Variants in ADIPOR2 observed in about 807,000 individuals in gnomAD.
ADIPOR2 encodes the protein adiponectin receptor 2.
ADIPOR2 carries 18 observed loss-of-function variants against 40.9 expected under a neutral mutation model. The observed-to-expected ratio is 0.44, with a 90% CI of 0.30 to 0.65. ADIPOR2 has a LOEUF of 0.65. Among genes scored for constraint, ADIPOR2 ranks in the 30% least tolerant of loss-of-function variants. ADIPOR2 has a pLI of 0.09. For synonymous variants in ADIPOR2, 165 were observed against 166.4 expected (o/e 0.99, Z 0.06); for missense variants, 283 against 479.2 (o/e 0.59, Z 3.82).
intron 1 of ADIPOR2, among the ~76,000 whole-genome samples, chr12:1,707,304 G>T (rs2094665493): frequency 6.6e-6 from 1 of 152,048 alleles, no homozygotes; most frequent in Non-Finnish European, 1.5e-5. Flanking sequence ...GAGTCATATG[G>T]TGTATATTTT....
At chr12:1,760,044 A>C (rs1230654782) in intron 2 of ADIPOR2, among the ~76,000 whole-genome samples, 1 of 151,696 alleles carries the variant, frequency 6.6e-6, no homozygotes, top group Non-Finnish European at 1.5e-5. Flanking sequence ...CAAAACAAAC[A>C]AAACAAAACA....
At chr12:1,710,535 A>G (rs1432165071) in intron 1 of ADIPOR2, among the ~76,000 whole-genome samples, 1 of 151,980 alleles carries the variant, frequency 6.6e-6, no homozygotes. Context: ...CGGCCAGTTA[A>G]AAGCAACTAG....
At position 1,743,890 on chromosome 12, in the gene ADIPOR2, C is replaced by T. The variant is rs558975957; in HGVS notation, c.-86-10368C>T. Among the ~76,000 whole-genome samples the T allele has an allele frequency of 8.5e-5, 13 of 152,120 alleles. 1 individual carries two copies. Among genetic ancestry groups the T allele is most frequent in the Admixed American group, 2.0e-4 (3 of 15,296 alleles). On this transcript the variant is annotated intron_variant, in intron 1 of 7. Coordinates refer to ENST00000357103, the MANE Select transcript of ADIPOR2 (RefSeq NM_024551.3). The stretch of plus-strand genomic sequence containing the variant: ...TTTTTTATTACATTAAAAAACAGGA[C>T]TCTGGGAATTGTCACTTTATGATCA...
intron 3 of ADIPOR2, among the ~76,000 whole-genome samples, chr12:1,775,096 A>G (rs1332341231): frequency 1.3e-5 from 2 of 150,482 alleles, no homozygotes; most frequent in African/African-American, 2.4e-5. Context: ...TCGGCCTCCC[A>G]TAGTGCTGGG....
chr12:1,780,331 C>T, intron 4 of ADIPOR2, 120 bp from the exon 5 acceptor site: 3 of 1,092,536 alleles, frequency 2.7e-6, no homozygotes, highest in Non-Finnish European at 3.7e-6. Flanking sequence ...GAAGATTTTT[C>T]TCATTGAACT....
At chr12:1,743,114 G>A (rs977932860) in intron 1 of ADIPOR2, among the ~76,000 whole-genome samples, 2 of 151,336 alleles carry the variant, frequency 1.3e-5, no homozygotes, top group Admixed American at 6.6e-5. Flanking sequence ...CTCGAGGGCC[G>A]GATGTGGTTG....
At chr12:1,749,481 G>T (rs1202307521) in intron 1 of ADIPOR2, among the ~76,000 whole-genome samples, 5 of 152,210 alleles carry the variant, frequency 3.3e-5, no homozygotes, top group African/African-American at 1.2e-4. Flanking sequence ...AACCATGGAA[G>T]AAGACCAATA....
intron 1 of ADIPOR2, among the ~76,000 whole-genome samples, chr12:1,691,539 C>T (rs907377623): frequency 6.6e-6 from 1 of 152,242 alleles, no homozygotes; most frequent in African/African-American, 2.4e-5. Context: ...GCTCCAGCTC[C>T]CTGCCCGCGG....
chr12:1,730,086 C>G (rs1592594279), intron 1 of ADIPOR2, among the ~76,000 whole-genome samples: 2 of 152,092 alleles, frequency 1.3e-5, no homozygotes, highest in East Asian at 3.9e-4. Context: ...GTTGTCACTC[C>G]TGAACATGAG....
At chr12:1,703,138 A>G (rs1403784961) in intron 1 of ADIPOR2, among the ~76,000 whole-genome samples, 1 of 152,238 alleles carries the variant, frequency 6.6e-6, no homozygotes, top group East Asian at 1.9e-4. Flanking sequence ...AATATATTAT[A>G]TGTATCCAGA....
chr12:1,719,707 G>C (rs377311942), intron 1 of ADIPOR2, among the ~76,000 whole-genome samples: 47 of 142,034 alleles, frequency 3.3e-4, no homozygotes, highest in Non-Finnish European at 5.2e-4. Flanking sequence ...AGATAGTCTT[G>C]CTCTGTCCCC....
intron 1 of ADIPOR2, among the ~76,000 whole-genome samples, chr12:1,736,442 C>T (rs1440819898): frequency 6.6e-6 from 1 of 152,148 alleles, no homozygotes; most frequent in Non-Finnish European, 1.5e-5. Context: ...GTGGTATCAC[C>T]ACCCCTGTAT....
At chr12:1,753,263 A>G (rs903436702) in intron 1 of ADIPOR2, among the ~76,000 whole-genome samples, 1 of 152,176 alleles carries the variant, frequency 6.6e-6, no homozygotes, top group African/African-American at 2.4e-5. Context: ...ATTGACTGTG[A>G]TAATCCTTAT....
rs67598229 is a variant in ADIPOR2 at position 1,752,230 on chromosome 12, C to CTTT, written c.-86-2009_-86-2007dup. Among the ~76,000 whole-genome samples the CTTT allele has an allele frequency of 1.2e-4, 9 of 74,862 alleles. 2 individuals carry two copies. Among genetic ancestry groups the CTTT allele is most frequent in the African/African-American group, 2.2e-4 (4 of 17,938 alleles). 49.1% of individuals were successfully genotyped at this position (74,862 alleles called of 152,430 possible). A position where few individuals can be genotyped will look rare whatever the true frequency, so the allele number is the denominator to read the frequency against. On this transcript the variant is annotated intron_variant, in intron 1 of 7. Coordinates refer to ENST00000357103, the MANE Select transcript of ADIPOR2 (RefSeq NM_024551.3). The stretch of plus-strand genomic sequence containing the variant: ...AGGCGTGAGCCACTGCTCCTGGCCT[C>CTTT]TTTTTTTTTTTTTTTTTTTTTAAGA...
intron 1 of ADIPOR2, among the ~76,000 whole-genome samples, chr12:1,732,773 C>T (rs7976827): frequency 0.49 from 75,191 of 151,984 alleles, 18,881 homozygotes; most frequent in Non-Finnish European, 0.55. Flanking sequence ...TTTAAGATAA[C>T]ATAAACAATC....
At chr12:1,753,883 TA>T (rs1218530858) in intron 1 of ADIPOR2, among the ~76,000 whole-genome samples, 4 of 152,064 alleles carry the variant, frequency 2.6e-5, no homozygotes, top group East Asian at 3.9e-4. Context: ...GATACATGGT[TA>T]AAAAAAATGC....
At chr12:1,701,321 T>C (rs1344452106) in intron 1 of ADIPOR2, among the ~76,000 whole-genome samples, 1 of 151,972 alleles carries the variant, frequency 6.6e-6, no homozygotes, top group East Asian at 1.9e-4. Flanking sequence ...AGAGATTGGG[T>C]TTCGCCTGTT....
At chr12:1,766,165 C>G (rs1371984260) in intron 2 of ADIPOR2, among the ~76,000 whole-genome samples, 1 of 152,050 alleles carries the variant, frequency 6.6e-6, no homozygotes, top group Non-Finnish European at 1.5e-5. Context: ...GGTAGTAACT[C>G]CAGTTGCAAA....
At position 1,754,240 on chromosome 12, in the gene ADIPOR2, A is replaced by C. The variant is rs559428790; in HGVS notation, c.-86-18A>C. 3.3e-6 allele frequency: 4 copies of C among 1,228,220 alleles called. No individual in the cohort carries two copies. The East Asian group carries it at 1.1e-4, about 33-fold the overall frequency. The allele number at this position is 1,228,220 out of a possible 1,614,324, so 76.1% of individuals were successfully genotyped here. Reference sequence around the variant, plus strand: ...AGCACTCCTTTAATGCATTTTTTCAAAACTTTCATCTTCTTAGGATCAACT... The same window carrying C: ...AGCACTCCTTTAATGCATTTTTTCACAACTTTCATCTTCTTAGGATCAACT... On this transcript the variant is annotated intron_variant, in intron 1 of 7. Transcript: ENST00000357103.
Sources: allele counts gnomAD v4.1 joint callset (sites outside exome capture counted in the v4.1 genomes callset), GRCh38; gene constraint gnomAD v4.1.1; transcripts MANE v1.5; gene names NCBI Gene and HGNC (gene_info 2026-07-23, HGNC 2026-07-21).